The following KCNIP4 variants were observed in gnomAD, a reference collection of about 807,000 sequenced individuals.
KCNIP4 encodes Kv channel-interacting protein 4.
In KCNIP4, 12 loss-of-function variants were observed where a neutral mutation model predicts 34.0. That is an observed-to-expected ratio of 0.35 (90% confidence interval 0.23 to 0.57). KCNIP4 has a LOEUF of 0.57. KCNIP4 is among the 20% of genes least tolerant of loss of function. The pLI, the probability that KCNIP4 is intolerant of heterozygous loss-of-function variation, is 0.83. For synonymous variants in KCNIP4, 124 were observed against 102.2 expected, an observed-to-expected ratio of 1.21 and a Z score of -1.29; for missense variants, 238 against 311.7, an observed-to-expected ratio of 0.76 and a Z score of 1.78.
intron 1 of KCNIP4, among the ~76,000 whole-genome samples, chr4:21,136,230 A>G (rs1267025139): frequency 5.3e-5 from 8 of 152,172 alleles, no homozygotes; most frequent in African/African-American, 1.9e-4. Context: ...TCAGTGGCCT[A>G]TGGTACAAAG....
At chr4:21,755,088 T>C (rs1272009505) in intron 1 of KCNIP4, among the ~76,000 whole-genome samples, 1 of 151,940 alleles carries the variant, frequency 6.6e-6, no homozygotes, top group Non-Finnish European at 1.5e-5. Flanking sequence ...GAGGCAGAGG[T>C]AGCAGATGGC....
At chr4:21,082,386 C>T (rs1746076616) in intron 1 of KCNIP4, among the ~76,000 whole-genome samples, 1 of 151,770 alleles carries the variant, frequency 6.6e-6, no homozygotes, top group Non-Finnish European at 1.5e-5. Context: ...TCTGTAAAGA[C>T]TTTGATGCAC....
rs554447129 is a variant in KCNIP4 at position 20,857,734 on chromosome 4, C to A, written c.164-7067G>T. Among the ~76,000 whole-genome samples the A allele has an allele frequency of 5.3e-5, 8 of 152,214 alleles. No individual in the cohort carries two copies. The South Asian group carries it at 1.7e-3, about 32-fold the overall frequency. On this transcript the variant is annotated intron_variant, in intron 2 of 8. Coordinates refer to ENST00000382152, the MANE Select transcript of KCNIP4 (RefSeq NM_025221.6). ...ATGATACAAATAATGATAACCTCTC[C>A]TCTCTTATTTTGTCAAACTCCTCAG...
intron 1 of KCNIP4, among the ~76,000 whole-genome samples, chr4:21,323,747 T>G (rs1020831921): frequency 6.6e-6 from 1 of 152,100 alleles, no homozygotes; most frequent in Non-Finnish European, 1.5e-5. Flanking sequence ...ATCTCTTTGA[T>G]ATACTATTAT....
intron 1 of KCNIP4, among the ~76,000 whole-genome samples, chr4:21,887,383 C>T (rs182439902): frequency 2.0e-5 from 3 of 152,086 alleles, no homozygotes; most frequent in African/African-American, 7.2e-5. Flanking sequence ...TATCTTCTTA[C>T]AAGGACACTA....
chr4:20,972,789 A>G (rs1735100373), intron 1 of KCNIP4, among the ~76,000 whole-genome samples: 1 of 152,214 alleles, frequency 6.6e-6, no homozygotes, highest in Admixed American at 6.5e-5. Context: ...TCAGGCAAAA[A>G]GTTGACTTCA....
At chr4:21,603,698 T>A (rs1503983) in intron 1 of KCNIP4, among the ~76,000 whole-genome samples, 45,094 of 148,574 alleles carry the variant, frequency 0.3, 7,148 homozygotes, top group East Asian at 0.62. Flanking sequence ...GTAGCAATGA[T>A]AAAAAAAAAA....
At chr4:21,228,986 G>C (rs1758607491) in intron 1 of KCNIP4, among the ~76,000 whole-genome samples, 1 of 152,082 alleles carries the variant, frequency 6.6e-6, no homozygotes, top group Non-Finnish European at 1.5e-5. Context: ...AGGCCTCTTT[G>C]ATCTAATTCT....
At chr4:21,752,881 TGA>T (rs1717247267) in intron 1 of KCNIP4, among the ~76,000 whole-genome samples, 1 of 152,214 alleles carries the variant, frequency 6.6e-6, no homozygotes, top group Non-Finnish European at 1.5e-5. Context: ...AATTTTTCAT[TGA>T]GCTATCACAT....
chr4:20,979,122 G>A (rs1020627653), intron 1 of KCNIP4, among the ~76,000 whole-genome samples: 9 of 152,074 alleles, frequency 5.9e-5, no homozygotes, highest in Admixed American at 2.0e-4. Context: ...TATACCTATA[G>A]CTATGATCTC....
chr4:20,915,828 T>C lies in KCNIP4; in HGVS notation c.62-33119A>G, dbSNP rs549914023. ...ATTTTATCTTCTTTACACAGAAAAA[T>C]GATAAAGAGCTTTCCCTCAGTTTAA... On this transcript the variant is annotated intron_variant, in intron 1 of 8. Transcript: ENST00000382152. Among the ~76,000 whole-genome samples, 401 of 152,242 alleles carry C rather than the reference T, an allele frequency of 2.6e-3. 3 individuals carry two copies. The highest frequency in any genetic ancestry group is 3.2e-3 in the Non-Finnish European group (219 of 68,012).
intron 1 of KCNIP4, among the ~76,000 whole-genome samples, chr4:21,666,250 T>C (rs1057491042): frequency 1.3e-5 from 2 of 152,236 alleles, no homozygotes; most frequent in Admixed American, 6.5e-5. Context: ...GTGGGACAGC[T>C]TGATGAGAAG....
chr4:21,935,763 G>A (rs1040324530), intron 1 of KCNIP4, among the ~76,000 whole-genome samples: 2 of 151,942 alleles, frequency 1.3e-5, no homozygotes, highest in African/African-American at 4.8e-5. Context: ...TTATAAAAAT[G>A]ACCACAACTC....
At chr4:20,953,229 C>T (rs910715046) in intron 1 of KCNIP4, among the ~76,000 whole-genome samples, 2 of 152,200 alleles carry the variant, frequency 1.3e-5, no homozygotes, top group African/African-American at 4.8e-5. Context: ...TCCACTCTAA[C>T]GGCTTCTGTG....
intron 3 of KCNIP4, among the ~76,000 whole-genome samples, chr4:20,804,868 G>C: frequency 6.6e-6 from 1 of 152,128 alleles, no homozygotes. Context: ...TCTGATACTC[G>C]ATTTAATTTT....
intron 2 of KCNIP4, among the ~76,000 whole-genome samples, chr4:20,854,218 T>C (rs1357716749): frequency 6.6e-6 from 1 of 152,148 alleles, no homozygotes; most frequent in East Asian, 1.9e-4. Flanking sequence ...CAATTCACAA[T>C]TGCAAAATCG....
intron 1 of KCNIP4, among the ~76,000 whole-genome samples, chr4:21,945,343 T>C (rs975331640): frequency 2.0e-5 from 3 of 152,204 alleles, no homozygotes; most frequent in African/African-American, 7.2e-5. Flanking sequence ...TTCAACACTT[T>C]GTCCTATCAT....
intron 1 of KCNIP4, among the ~76,000 whole-genome samples, chr4:20,902,567 T>A (rs540568433): frequency 6.6e-6 from 1 of 152,304 alleles, no homozygotes; most frequent in East Asian, 1.9e-4. Flanking sequence ...TTGCCCAGGC[T>A]GGAGTGCAAT....
chr4:21,780,654 G>A (rs975791424), intron 1 of KCNIP4, among the ~76,000 whole-genome samples: 1 of 152,136 alleles, frequency 6.6e-6, no homozygotes, highest in Non-Finnish European at 1.5e-5. Flanking sequence ...AACCTGACAG[G>A]TAACTTACAG....
Sources: gnomAD v4.1 joint callset for allele counts (sites outside exome capture counted in the v4.1 genomes callset) on GRCh38, gnomAD v4.1.1 for gene constraint, MANE v1.5 for transcripts, NCBI Gene and HGNC (gene_info 2026-07-23, HGNC 2026-07-21) for gene names.